Variants in SZT2 observed in about 807,000 individuals in gnomAD.
SZT2 encodes KICSTOR complex protein SZT2.
A neutral mutation model predicts 404.2 loss-of-function variants in SZT2; 216 were observed. The ratio of observed to expected loss-of-function variants is 0.53; its 90% CI spans 0.48 to 0.60. The LOEUF is 0.60. Ranked by LOEUF, SZT2 falls within the 20% of genes least tolerant of loss-of-function variation. The pLI, the probability that SZT2 is intolerant of heterozygous loss-of-function variation, is 0.00. For synonymous variants in SZT2, 1,693 were observed against 1,749.9 expected (o/e 0.97, Z 0.81); for missense variants, 3,857 against 4,459.2 (o/e 0.86, Z 3.85).
At position 43,427,994 on chromosome 1, in the gene SZT2, G is replaced by A. The variant is rs138670520; in HGVS notation, c.3804-9G>A. 4.0e-5 allele frequency: 65 copies of A among 1,611,930 alleles called. No individual in the cohort carries two copies. In the East Asian group the frequency reaches 1.2e-3, roughly 30 times the overall value. On this transcript the variant is annotated splice_polypyrimidine_tract_variant and intron_variant, in intron 26 of 71. Coordinates refer to ENST00000634258, the MANE Select transcript of SZT2 (RefSeq NM_001365999.1). ...GTTGGTCAAGTTCCATTTTCCCTTC[G>A]TTTCCTAGGACTCAGTTCCTCGACC...
intron 5 of SZT2, 147 bp from the exon 6 acceptor site, chr1:43,415,813 G>C: frequency 1.1e-6 from 1 of 918,348 alleles, no homozygotes; most frequent in Non-Finnish European, 1.6e-6. Flanking sequence ...GCACAGTCAA[G>C]ACTCAGCCGC....
chr1:43,423,520 C>T (rs1036815461), intron 15 of SZT2, among the ~76,000 whole-genome samples: 1 of 133,944 alleles, frequency 7.5e-6, no homozygotes, highest in Non-Finnish European at 1.6e-5. Context: ...ATGAGTGGTA[C>T]GGAGGTGTGG....
chr1:43,408,639 T>C (rs1650630303), intron 4 of SZT2, among the ~76,000 whole-genome samples: 1 of 152,168 alleles, frequency 6.6e-6, no homozygotes, highest in Non-Finnish European at 1.5e-5. Flanking sequence ...TCTTTGAAAA[T>C]GTGATTTTTA....
chr1:43,392,712 CTAAGT>C (rs1333852065), intron 1 of SZT2, among the ~76,000 whole-genome samples: 1 of 152,104 alleles, frequency 6.6e-6, no homozygotes, highest in East Asian at 1.9e-4. Flanking sequence ...CGTGCCCAGC[CTAAGT>C]TAAGCATTTT....
intron 29 of SZT2, 27 bp downstream of exon 29, chr1:43,429,871 A>C: frequency 6.2e-7 from 1 of 1,613,646 alleles, no homozygotes; most frequent in Non-Finnish European, 8.5e-7. Flanking sequence ...AGGGTAGAAG[A>C]GGTGTTAGAG....
intron 4 of SZT2, chr1:43,410,554 C>CAAAAAAA (rs34705523): frequency 4.9e-5 from 2 of 41,040 alleles, no homozygotes; most frequent in Admixed American, 3.1e-4. Context: ...GACTCTGTCT[C>CAAAAAAA]AAAAAAAAAA....
In SZT2 at chr1:43,433,051, G is replaced by GC; in HGVS notation, c.5670dup (p.Phe1891LeufsTer26). On this transcript the variant is annotated frameshift_variant, in exon 40 of 72. Transcript: ENST00000634258. LOFTEE classifies it high-confidence loss of function. ...TCCCAATGACACCCTTGGTGAGAAG[G>GC]CCCCCTTCACATTGCGGACTCCACC... 2 of 1,614,058 alleles carry GC rather than the reference G, an allele frequency of 1.2e-6. No individual in the cohort carries two copies. Among genetic ancestry groups the GC allele is most frequent in the South Asian group, 2.2e-5 (2 of 91,084 alleles).
rs1654589797 is a variant in SZT2 at position 43,437,556 on chromosome 1, G to A, written c.6291-39G>A. On this transcript the variant is annotated intron_variant, in intron 44 of 71. Coordinates refer to ENST00000634258, the MANE Select transcript of SZT2 (RefSeq NM_001365999.1). This position sits in a 1 kb window ranked among gnomAD's most constrained non-coding sequence, Gnocchi z 5.3. Reference sequence around the variant, plus strand: ...GTAGGGCATGAATTAAGGATGGCCTGGGAGGAGGCATGTCCAAAGACATGC... The same window carrying A: ...GTAGGGCATGAATTAAGGATGGCCTAGGAGGAGGCATGTCCAAAGACATGC... 6.2e-7 allele frequency: 1 copy of A among 1,613,880 alleles called. No individual in the cohort carries two copies. The highest frequency in any genetic ancestry group is 1.3e-5 in the African/African-American group (1 of 74,920).
chr1:43,423,132 C>G lies in SZT2; in HGVS notation c.2071C>G (p.Leu691Val). 1.3e-6 allele frequency: 2 copies of G among 1,596,022 alleles called. No individual in the cohort carries two copies. Among genetic ancestry groups the G allele is most frequent in the South Asian group, 2.2e-5 (2 of 90,522 alleles). Residue 691 changes from leucine to valine, a missense_variant, in exon 15 of 72, where the codon CTG (leucine) becomes GTG (valine). Around this residue, in one of 7 missense-constraint regions of SZT2, gnomAD observed 1,725 missense variants for 1,881.0 expected, o/e 0.92. Coordinates refer to ENST00000634258, the MANE Select transcript of SZT2 (RefSeq NM_001365999.1). ...VSGLREEILRLRFPHRVQSKE... is the reference protein window; with the variant it reads ...VSGLREEILRVRFPHRVQSKE... The stretch of plus-strand genomic sequence containing the variant: ...AGGCTTGAGGGAAGAGATCCTGCGG[C>G]TGCGTTTCCCCCACCGGGTACAAAG...
In SZT2 at chr1:43,451,296, C is replaced by T. The variant is rs761928607; in HGVS notation, c.*816C>T. 1 of 1,614,032 alleles carries T rather than the reference C, an allele frequency of 6.2e-7. No homozygotes were observed. Among genetic ancestry groups the T allele is most frequent in the Non-Finnish European group, 8.5e-7 (1 of 1,180,032 alleles). On this transcript the variant is annotated 3_prime_UTR_variant, in exon 72 of 72. Transcript: ENST00000634258. The stretch of plus-strand genomic sequence containing the variant: ...CCAGTATGAACGTAGCCAACTCAAG[C>T]CCTCTACTGTGTCTCCTGCAGGGAG...
intron 1 of SZT2, among the ~76,000 whole-genome samples, chr1:43,396,719 C>A (rs1218490272): frequency 6.6e-6 from 1 of 152,220 alleles, no homozygotes. Flanking sequence ...ACAACACTTT[C>A]TTTCTGTAAC....
In SZT2 at chr1:43,440,724, C is replaced by T. The variant is rs117610689; in HGVS notation, c.7344+138C>T. On this transcript the variant is annotated intron_variant, in intron 52 of 71. Transcript: ENST00000634258. ...TATAAAACTGCTCTGTCCTGCCAGA[C>T]ACCATGGCGTGTACCTTTAGTCCCA... is the stretch of plus-strand genomic sequence containing the variant. 9.6e-5 allele frequency: 115 copies of T among 1,203,502 alleles called. 1 individual carries two copies. The East Asian group carries it at 3.1e-3, about 32-fold the overall frequency. The allele number at this position is 1,203,502 out of a possible 1,614,324, so 74.6% of individuals were successfully genotyped here. A position where few individuals can be genotyped will look rare whatever the true frequency, so the allele number is the denominator to read the frequency against.
In SZT2 at chr1:43,424,462, G is replaced by C. The variant is rs185716038; in HGVS notation, c.2471+30G>C. On this transcript the variant is annotated intron_variant, in intron 16 of 71. Transcript: ENST00000634258. This position sits in a 1 kb window ranked among gnomAD's most constrained non-coding sequence, Gnocchi z 4.1. The stretch of plus-strand genomic sequence containing the variant: ...GTCATCCAAGCCTGCCAGGTCACTC[G>C]GGGCAAGGAGAGAGCAAGTGTAGAC... 1.9e-6 allele frequency: 3 copies of C among 1,592,320 alleles called. No individual in the cohort carries two copies. The highest frequency in any genetic ancestry group is 3.3e-5 in the Admixed American group (2 of 59,932).
chr1:43,453,457 G>A lies in SZT2; in HGVS notation c.*2977G>A. The A allele has an allele frequency of 6.4e-7, 1 of 1,563,160 alleles. No homozygotes were observed. The highest frequency in any genetic ancestry group is 1.4e-5 in the African/African-American group (1 of 73,382). On this transcript the variant is annotated 3_prime_UTR_variant, in exon 72 of 72. Transcript: ENST00000634258. The stretch of plus-strand genomic sequence containing the variant: ...CCTCTCGGAAGGCCGCCTGTCTCCC[G>A]GGGACGGCCCCCAGCCCCATTTCCC...
In SZT2 at chr1:43,446,461, T is replaced by C. The variant is rs368701444; in HGVS notation, c.9072+45T>C. 26 of 1,610,602 alleles carry C rather than the reference T, an allele frequency of 1.6e-5. No homozygotes were observed. The African/African-American group carries it at 2.8e-4, about 17-fold the overall frequency. The stretch of plus-strand genomic sequence containing the variant: ...GCACAGTCAGTGCACCCCAGTGTGC[T>C]GTGGGCAGCATGGCTCCATGTCCCA... On this transcript the variant is annotated intron_variant, in intron 65 of 71. Coordinates refer to ENST00000634258, the MANE Select transcript of SZT2 (RefSeq NM_001365999.1).
chr1:43,439,703 CGA>C lies in SZT2; in HGVS notation c.6980_6981del (p.Glu2327GlyfsTer4). The C allele has an allele frequency of 6.2e-7, 1 of 1,611,758 alleles. No individual in the cohort carries two copies. Among genetic ancestry groups the C allele is most frequent in the Non-Finnish European group, 8.5e-7 (1 of 1,178,878 alleles). ...CTCTCCGGGGCCCCCAGACCCACTG[CGA>C]GAGGAGGAATTTGAGCAACTGACCC... ...PSSPGPPDPL[R>X]EEEFEQLTQV... On this transcript the variant is annotated frameshift_variant, in exon 50 of 72. Coordinates refer to ENST00000634258, the MANE Select transcript of SZT2 (RefSeq NM_001365999.1). LOFTEE classifies it high-confidence loss of function. The surrounding 1 kb of genome is among the most constrained non-coding windows in gnomAD (Gnocchi z 4.2).
At chr1:43,392,491 T>C (rs1276658157) in intron 1 of SZT2, among the ~76,000 whole-genome samples, 2 of 151,116 alleles carry the variant, frequency 1.3e-5, no homozygotes, top group African/African-American at 4.9e-5. Flanking sequence ...CTTGGCTCAC[T>C]GCAACCTCCG....
intron 40 of SZT2, among the ~76,000 whole-genome samples, chr1:43,433,707 G>A (rs1053414627): frequency 3.3e-5 from 5 of 152,224 alleles, no homozygotes; most frequent in Non-Finnish European, 7.3e-5. Flanking sequence ...TTGAACCTGG[G>A]AGGTGGAGAT....
At position 43,452,901 on chromosome 1, in the gene SZT2, A is replaced by G. The variant is rs764836657; in HGVS notation, c.*2421A>G. The G allele has an allele frequency of 1.6e-5, 25 of 1,598,168 alleles. No homozygotes were observed. In the African/African-American group the frequency reaches 2.1e-4, roughly 14 times the overall value. On this transcript the variant is annotated 3_prime_UTR_variant, in exon 72 of 72. Coordinates refer to ENST00000634258, the MANE Select transcript of SZT2 (RefSeq NM_001365999.1). ...GCCTCCCCATCCCAACAGGCTACAT[A>G]CATGTCCAGCCTCAGGAACGCTGCC... is the stretch of plus-strand genomic sequence containing the variant.
Sources: gnomAD v4.1 joint callset for allele counts (sites outside exome capture counted in the v4.1 genomes callset) on GRCh38, gnomAD v4.1.1 for gene constraint, gnomAD v4.1.1 regional missense constraint, Gnocchi (gnomAD v3.1) non-coding constraint, MANE v1.5 for transcripts, NCBI Gene and HGNC (gene_info 2026-07-23, HGNC 2026-07-21) for gene names.